CCSER1: variants seen among roughly 807,000 people sequenced by gnomAD.
CCSER1 encodes the protein coiled-coil serine rich protein 1, also known as serine-rich coiled-coil domain-containing protein 1.
CCSER1 carries 41 observed loss-of-function variants against 82.0 expected under a neutral mutation model. The ratio of observed to expected loss-of-function variants is 0.50; its 90% CI spans 0.39 to 0.65. CCSER1 has a LOEUF of 0.65. CCSER1 is among the 30% of genes least tolerant of loss of function. The pLI is 0.00. For synonymous variants in CCSER1, 414 were observed against 383.9 expected, an observed-to-expected ratio of 1.08 and a Z score of -0.92; for missense variants, 1,119 against 1,064.2, an observed-to-expected ratio of 1.05 and a Z score of -0.72.
chr4:90,917,471 A>C (rs1490582254), intron 8 of CCSER1, among the ~76,000 whole-genome samples: 1 of 152,188 alleles, frequency 6.6e-6, no homozygotes, highest in African/African-American at 2.4e-5. Context: ...CAATGAGAAC[A>C]CTTGGACCCA....
At chr4:91,036,308 ATTAAT>A (rs1471492909) in intron 9 of CCSER1, among the ~76,000 whole-genome samples, 2 of 152,192 alleles carry the variant, frequency 1.3e-5, no homozygotes, top group African/African-American at 2.4e-5. Context: ...TTGTTTCAAA[ATTAAT>A]TTGATGATTA....
At position 90,299,174 on chromosome 4, in the gene CCSER1, G is replaced by A. The variant is rs181351349; in HGVS notation, c.-41-9070G>A. 4.9e-3 allele frequency among the ~76,000 whole-genome samples: 751 copies of A among 152,074 alleles called. 6 individuals carry two copies. In the Middle Eastern group the frequency reaches 0.054, roughly 11 times the overall value. On this transcript the variant is annotated intron_variant, in intron 1 of 10. Coordinates refer to ENST00000509176, the MANE Select transcript of CCSER1 (RefSeq NM_001145065.2). ...TGCTAGAATAATTTCTTTCAAATGTGTTCTTCCCTTTTGTAGCTTTTCCCA... is the reference window on the plus strand; with the variant it reads ...TGCTAGAATAATTTCTTTCAAATGTATTCTTCCCTTTTGTAGCTTTTCCCA...
At chr4:90,822,291 A>T (rs1027339643) in intron 8 of CCSER1, among the ~76,000 whole-genome samples, 2 of 152,172 alleles carry the variant, frequency 1.3e-5, no homozygotes, top group African/African-American at 4.8e-5. Context: ...CACATTACTA[A>T]ATGTAAGTTG....
At chr4:90,647,795 A>C (rs1431962087) in intron 6 of CCSER1, among the ~76,000 whole-genome samples, 1 of 152,134 alleles carries the variant, frequency 6.6e-6, no homozygotes, top group African/African-American at 2.4e-5. Context: ...CATTTGTCCT[A>C]AGAGTTTAGG....
chr4:90,293,065 C>G (rs916485220), intron 1 of CCSER1, among the ~76,000 whole-genome samples: 3 of 151,624 alleles, frequency 2.0e-5, no homozygotes, highest in Non-Finnish European at 3.0e-5. Context: ...ATGTTTAATA[C>G]AATAAAAAAT....
intron 1 of CCSER1, among the ~76,000 whole-genome samples, chr4:90,175,753 G>C (rs929642773): frequency 8.6e-5 from 13 of 151,910 alleles, no homozygotes; most frequent in Admixed American, 8.6e-4. Flanking sequence ...GCTTATTGTA[G>C]GTCAGTTATC....
chr4:90,879,710 A>T (rs1208636702), intron 8 of CCSER1, among the ~76,000 whole-genome samples: 2 of 152,110 alleles, frequency 1.3e-5, no homozygotes, highest in Non-Finnish European at 2.9e-5. Flanking sequence ...AGGAAGAAAG[A>T]AGAAAGAAGA....
intron 6 of CCSER1, among the ~76,000 whole-genome samples, chr4:90,697,010 TGAG>T (rs1302073275): frequency 2.0e-5 from 3 of 151,540 alleles, no homozygotes; most frequent in Non-Finnish European, 4.4e-5. Flanking sequence ...AGAGGAAGGA[TGAG>T]AACAGATACA....
chr4:91,280,505 A>C (rs1201133035), intron 10 of CCSER1, among the ~76,000 whole-genome samples: 1 of 152,136 alleles, frequency 6.6e-6, no homozygotes, highest in Non-Finnish European at 1.5e-5. Flanking sequence ...CCTCTGGAAT[A>C]AGTACACAGG....
chr4:90,613,118 C>T (rs1174595947), intron 5 of CCSER1, among the ~76,000 whole-genome samples: 1 of 151,808 alleles, frequency 6.6e-6, no homozygotes, highest in Non-Finnish European at 1.5e-5. Context: ...TAGGTGTGCC[C>T]AAAAGTATAA....
chr4:91,174,113 G>A (rs890356653), intron 10 of CCSER1, among the ~76,000 whole-genome samples: 1 of 152,084 alleles, frequency 6.6e-6, no homozygotes, highest in Non-Finnish European at 1.5e-5. Flanking sequence ...AAAAGAGTAA[G>A]TACTATTGAG....
chr4:91,502,768 C>G (rs992241763), intron 10 of CCSER1, among the ~76,000 whole-genome samples: 3 of 152,094 alleles, frequency 2.0e-5, no homozygotes, highest in Admixed American at 2.0e-4. Flanking sequence ...AACATATCTA[C>G]TCTTGTTTTT....
Position 91,111,430 on chromosome 4 carries a change from CT to C in CCSER1, c.2217+25437del, listed in dbSNP as rs1030858508. On this transcript the variant is annotated intron_variant, in intron 10 of 10. Transcript: ENST00000509176. ...AATGTGTAATAATTAAGGAAGGACA[CT>C]CTTTAAAATGACACAAAAGTGATAT... Among the ~76,000 whole-genome samples, 15 of 151,976 alleles carry C rather than the reference CT, an allele frequency of 9.9e-5. 1 individual carries two copies. Among genetic ancestry groups the C allele is most frequent in the Middle Eastern group, 3.4e-3 (1 of 294 alleles).
chr4:91,015,407 C>T (rs573481676), intron 9 of CCSER1: 1 of 151,806 alleles, frequency 6.6e-6, no homozygotes, highest in East Asian at 1.9e-4. Flanking sequence ...GAGTTAGAGT[C>T]CTAATTATTT....
At chr4:90,605,172 A>G (rs1451482937) in intron 5 of CCSER1, among the ~76,000 whole-genome samples, 2 of 152,202 alleles carry the variant, frequency 1.3e-5, no homozygotes, top group African/African-American at 2.4e-5. Context: ...GAAACTCCCG[A>G]TACGTTGGAA....
In CCSER1 at chr4:90,664,014, T is replaced by C. The variant is rs527746951; in HGVS notation, c.1932+35782T>C. 4 of 167,492 alleles carry C rather than the reference T, an allele frequency of 2.4e-5. No homozygotes were observed. In the South Asian group the frequency reaches 4.9e-4, roughly 20 times the overall value. 10.4% of individuals were successfully genotyped at this position (167,492 alleles called of 1,614,324 possible). A position where few individuals can be genotyped will look rare whatever the true frequency, so the allele number is the denominator to read the frequency against. ...TTGGAGATACTTTTAAAAAAATCTC[T>C]ATTTAGTTAATAAGAAATTCTATAC... On this transcript the variant is annotated intron_variant, in intron 6 of 10. Coordinates refer to ENST00000509176, the MANE Select transcript of CCSER1 (RefSeq NM_001145065.2).
At chr4:91,055,859 C>G (rs1289257665) in intron 9 of CCSER1, among the ~76,000 whole-genome samples, 1 of 150,976 alleles carries the variant, frequency 6.6e-6, no homozygotes, top group Non-Finnish European at 1.5e-5. Context: ...CCACAGGTCC[C>G]TTGTGCTCTG....
chr4:91,577,462 T>TA (rs201479325), intron 10 of CCSER1, among the ~76,000 whole-genome samples: 1,861 of 151,072 alleles, frequency 0.012, 27 homozygotes, highest in African/African-American at 0.041. Flanking sequence ...AAAAATAAAA[T>TA]AAAAAAAAAT....
chr4:90,232,186 C>G (rs182297589), intron 1 of CCSER1, among the ~76,000 whole-genome samples: 1,752 of 152,130 alleles, frequency 0.012, 20 homozygotes, highest in Non-Finnish European at 0.018. Context: ...TCCAAAAGAA[C>G]AAAGCTGGAG....
Sources: gnomAD v4.1 joint callset for allele counts (sites outside exome capture counted in the v4.1 genomes callset) on GRCh38, gnomAD v4.1.1 for gene constraint, MANE v1.5 for transcripts, NCBI Gene and HGNC (gene_info 2026-07-23, HGNC 2026-07-21) for gene names.